The following CAMTA1 variants were observed in gnomAD, a reference collection of about 807,000 sequenced individuals.
The protein encoded by CAMTA1 is calmodulin binding transcription activator 1, also known as calmodulin-binding transcription activator 1.
CAMTA1 carries 27 observed loss-of-function variants against 170.9 expected under a neutral mutation model. The observed-to-expected ratio is 0.16, with a 90% confidence interval of 0.12 to 0.22. The LOEUF is 0.22. CAMTA1 is among the 10% of genes least tolerant of loss of function. The pLI is 1.00. For synonymous variants in CAMTA1, 833 were observed against 891.5 expected, an observed-to-expected ratio of 0.93 and a Z score of 1.17; for missense variants, 1,619 against 2,217.2, an observed-to-expected ratio of 0.73 and a Z score of 5.42.
chr1:7,039,598 G>A (rs1704124688), intron 3 of CAMTA1, among the ~76,000 whole-genome samples: 1 of 152,102 alleles, frequency 6.6e-6, no homozygotes, highest in South Asian at 2.1e-4. Context: ...ATCTCAAGGG[G>A]CGTTCTATTC....
intron 5 of CAMTA1, among the ~76,000 whole-genome samples, chr1:7,453,424 A>G (rs1319537009): frequency 1.3e-5 from 2 of 152,242 alleles, no homozygotes; most frequent in Non-Finnish European, 2.9e-5. Flanking sequence ...CCCCAAATCT[A>G]GGAACCACTA....
intron 5 of CAMTA1, among the ~76,000 whole-genome samples, chr1:7,364,986 C>T (rs1410567044): frequency 8.5e-5 from 13 of 152,324 alleles, no homozygotes; most frequent in African/African-American, 2.2e-4. Flanking sequence ...TCCTTAGGCT[C>T]GGTGTGGCTG....
chr1:6,934,751 C>G lies in CAMTA1; in HGVS notation c.234+109541C>G, dbSNP rs1381672419. Among the ~76,000 whole-genome samples the G allele has an allele frequency of 6.6e-6, 1 of 151,866 alleles. No individual in the cohort carries two copies. Among genetic ancestry groups the G allele is most frequent in the Non-Finnish European group, 1.5e-5 (1 of 67,974 alleles). ...TAGCCCTGCTCTTCAGTGAAGGTAT[C>G]TTGCAGAGGGCGTATGGTTGGAGAG... On this transcript the variant is annotated intron_variant, in intron 3 of 22. Transcript: ENST00000303635. This position sits in a 1 kb window ranked among gnomAD's most constrained non-coding sequence, Gnocchi z 4.5.
At chr1:6,870,355 A>G (rs1668047592) in intron 3 of CAMTA1, among the ~76,000 whole-genome samples, 1 of 152,198 alleles carries the variant, frequency 6.6e-6, no homozygotes, top group Non-Finnish European at 1.5e-5. Context: ...AACTTAAAAA[A>G]AAAACATTGT....
intron 4 of CAMTA1, among the ~76,000 whole-genome samples, chr1:7,244,132 A>G (rs1004656636): frequency 6.6e-5 from 10 of 152,336 alleles, no homozygotes; most frequent in African/African-American, 2.2e-4. Context: ...CAAAAAACAC[A>G]TGAAAAAATG....
intron 5 of CAMTA1, among the ~76,000 whole-genome samples, chr1:7,389,936 T>C (rs1424922182): frequency 6.6e-6 from 1 of 152,150 alleles, no homozygotes; most frequent in East Asian, 1.9e-4. Flanking sequence ...TCAGGGCCAC[T>C]AGTTTCCCTC....
rs1314297039 is a variant in CAMTA1, at chr1:7,251,605, T to A, written c.438+1979T>A. 6.6e-6 allele frequency among the ~76,000 whole-genome samples: 1 copy of A among 152,198 alleles called. No homozygotes were observed. The highest frequency in any genetic ancestry group is 1.5e-5 in the Non-Finnish European group (1 of 68,040). On this transcript the variant is annotated intron_variant, in intron 5 of 22. Coordinates refer to ENST00000303635, the MANE Select transcript of CAMTA1 (RefSeq NM_015215.4). The surrounding 1 kb of genome is among the most constrained non-coding windows in gnomAD (Gnocchi z 5.1). ...TGAGCCACTCAGCAGATATCGACCC[T>A]GTGTGCCTACTCTGTGCAAGGCACT...
At chr1:6,837,119 A>G (rs912007860) in intron 3 of CAMTA1, among the ~76,000 whole-genome samples, 1 of 151,900 alleles carries the variant, frequency 6.6e-6, no homozygotes, top group Admixed American at 6.6e-5. Flanking sequence ...ATACCCGGCT[A>G]ATTTTTTTGT....
intron 6 of CAMTA1, among the ~76,000 whole-genome samples, chr1:7,638,499 G>C (rs562131359): frequency 3.3e-5 from 5 of 152,052 alleles, no homozygotes; most frequent in Non-Finnish European, 7.4e-5. Flanking sequence ...AAATTAGCCG[G>C]GCTGTGGTGG....
chr1:7,364,223 A>C (rs1025411617), intron 5 of CAMTA1, among the ~76,000 whole-genome samples: 2 of 152,256 alleles, frequency 1.3e-5, no homozygotes, highest in Non-Finnish European at 2.9e-5. Flanking sequence ...GCAGGCAGCG[A>C]GACCAGCGAG....
intron 4 of CAMTA1, among the ~76,000 whole-genome samples, chr1:7,218,852 G>T (rs1239506881): frequency 6.6e-6 from 1 of 152,096 alleles, no homozygotes. Context: ...CGTGTGAAAG[G>T]TGTGTGGGAT....
chr1:7,518,895 G>A (rs529063634), intron 6 of CAMTA1, among the ~76,000 whole-genome samples: 2 of 152,068 alleles, frequency 1.3e-5, no homozygotes, highest in East Asian at 3.9e-4. Flanking sequence ...GGCCTGTGAT[G>A]GCTCCAGGCC....
chr1:6,919,652 G>A (rs10864246), intron 3 of CAMTA1, among the ~76,000 whole-genome samples: 1 of 151,960 alleles, frequency 6.6e-6, no homozygotes, highest in Admixed American at 6.5e-5. Context: ...AAGACATACC[G>A]AAGACTGGGC....
At position 7,010,971 on chromosome 1, in the gene CAMTA1, G is replaced by A. The variant is rs559456190; in HGVS notation, c.235-80333G>A. On this transcript the variant is annotated intron_variant, in intron 3 of 22. Transcript: ENST00000303635. The surrounding 1 kb of genome is among the most constrained non-coding windows in gnomAD (Gnocchi z 4.4). ...GCAGGTGCTGGTGAGGGTGGCTGCCGCTGTCCAGCCCTGATCTCTGGGGCA... is the reference window on the plus strand; with the variant it reads ...GCAGGTGCTGGTGAGGGTGGCTGCCACTGTCCAGCCCTGATCTCTGGGGCA... Among the ~76,000 whole-genome samples, 2 of 152,300 alleles carry A rather than the reference G, an allele frequency of 1.3e-5. No individual in the cohort carries two copies. Among genetic ancestry groups the A allele is most frequent in the South Asian group, 2.1e-4 (1 of 4,816 alleles).
intron 3 of CAMTA1, among the ~76,000 whole-genome samples, chr1:6,927,169 C>G (rs1051144060): frequency 6.6e-6 from 1 of 151,572 alleles, no homozygotes; most frequent in Non-Finnish European, 1.5e-5. Flanking sequence ...GGACCACAGG[C>G]ATGCACCACC....
intron 22 of CAMTA1, among the ~76,000 whole-genome samples, chr1:7,762,404 A>G (rs2096983245): frequency 6.6e-6 from 1 of 152,208 alleles, no homozygotes; most frequent in African/African-American, 2.4e-5. Flanking sequence ...TGAAACATCT[A>G]TTTCTTAAAA....
intron 6 of CAMTA1, among the ~76,000 whole-genome samples, chr1:7,610,193 A>G (rs2095514485): frequency 6.6e-6 from 1 of 152,226 alleles, no homozygotes; most frequent in African/African-American, 2.4e-5. Flanking sequence ...ATGACCTCAT[A>G]AATACATACA....
chr1:7,677,075 A>AGGC (rs933924884), intron 10 of CAMTA1, among the ~76,000 whole-genome samples: 5 of 152,294 alleles, frequency 3.3e-5, no homozygotes, highest in Non-Finnish European at 5.9e-5. Flanking sequence ...AGGGTAACAG[A>AGGC]GGCACATCTG....
intron 5 of CAMTA1, among the ~76,000 whole-genome samples, chr1:7,392,573 AT>A (rs1156299348): frequency 4.0e-4 from 29 of 72,002 alleles, no homozygotes; most frequent in African/African-American, 1.4e-3. Context: ...CATCTTTACA[AT>A]TTTTTTTTAA....
Sources: gnomAD v4.1 joint callset for allele counts (sites outside exome capture counted in the v4.1 genomes callset) on GRCh38, gnomAD v4.1.1 for gene constraint, Gnocchi (gnomAD v3.1) non-coding constraint, MANE v1.5 for transcripts, NCBI Gene and HGNC (gene_info 2026-07-23, HGNC 2026-07-21) for gene names.